DCDC1: variants seen among roughly 807,000 people sequenced by gnomAD.
DCDC1 encodes the protein doublecortin domain containing 1, also known as doublecortin domain-containing protein 1.
In DCDC1, 200 loss-of-function variants were observed where a neutral mutation model predicts 178.3. The observed-to-expected ratio is 1.12, with a 90% CI of 1.00 to 1.26. The LOEUF is 1.26. DCDC1 is among the 50% of genes most tolerant of loss of function. The pLI is 0.00. For synonymous variants in DCDC1, 690 were observed against 604.8 expected, an observed-to-expected ratio of 1.14 and a Z score of -2.07; for missense variants, 1,983 against 1,749.2, an observed-to-expected ratio of 1.13 and a Z score of -2.38.
chr11:31,178,648 T>G (rs1434216917), intron 9 of DCDC1, among the ~76,000 whole-genome samples: 1 of 152,092 alleles, frequency 6.6e-6, no homozygotes, highest in Non-Finnish European at 1.5e-5. Context: ...ATCCAGAATA[T>G]AAAAACAACT....
At chr11:31,194,629 G>A (rs1021384756) in intron 9 of DCDC1, among the ~76,000 whole-genome samples, 8 of 151,420 alleles carry the variant, frequency 5.3e-5, no homozygotes, top group Admixed American at 4.0e-4. Context: ...CATTTTAATG[G>A]CTCCACAATT....
intron 11 of DCDC1, among the ~76,000 whole-genome samples, chr11:31,115,403 G>A (rs920248842): frequency 6.6e-6 from 1 of 152,130 alleles, no homozygotes; most frequent in Non-Finnish European, 1.5e-5. Flanking sequence ...CACCCAGGAA[G>A]CTCTTCTGTG....
chr11:30,928,656 T>C (rs1321059926), intron 22 of DCDC1, among the ~76,000 whole-genome samples: 1 of 208 alleles, frequency 4.8e-3, no homozygotes, highest in African/African-American at 0.015. Context: ...AAGTAATCTC[T>C]TTCTTTAAAA....
At chr11:31,243,471 A>G (rs1591521865) in intron 8 of DCDC1, among the ~76,000 whole-genome samples, 1 of 151,780 alleles carries the variant, frequency 6.6e-6, no homozygotes, top group East Asian at 1.9e-4. Context: ...TTTACACCCT[A>G]GAGTTAATCT....
In DCDC1 at chr11:30,917,018, CGTGT is replaced by C. The variant is rs754562064; in HGVS notation, c.3300_3303del (p.His1101Ter). On this transcript the variant is annotated frameshift_variant, in exon 26 of 39. Transcript: ENST00000684477. LOFTEE classifies it high-confidence loss of function. ...GCCTTCATTCGAAGATGAGCTCTTA[CGTGT>C]GAATCTCTATCAAGGTTCAGAAGCA... 13 of 1,594,234 alleles carry C rather than the reference CGTGT, an allele frequency of 8.2e-6. No individual in the cohort carries two copies. Among genetic ancestry groups the C allele is most frequent in the Admixed American group, 1.8e-5 (1 of 56,442 alleles).
intron 9 of DCDC1, among the ~76,000 whole-genome samples, chr11:31,173,027 T>C (rs1344340726): frequency 6.6e-6 from 1 of 152,162 alleles, no homozygotes; most frequent in Non-Finnish European, 1.5e-5. Context: ...TTAGAAGGAA[T>C]CAATACAACT....
chr11:31,367,888 A>G (rs879123944), intron 1 of DCDC1, among the ~76,000 whole-genome samples: 1 of 152,230 alleles, frequency 6.6e-6, no homozygotes, highest in Non-Finnish European at 1.5e-5. Flanking sequence ...GCAGAGTGTA[A>G]GACAACTGTT....
intron 21 of DCDC1, among the ~76,000 whole-genome samples, chr11:30,934,539 T>G (rs1947147603): frequency 6.6e-6 from 1 of 152,166 alleles, no homozygotes; most frequent in Admixed American, 6.5e-5. Context: ...TACTGCCCCC[T>G]GCCTAGAGAG....
At chr11:30,980,360 C>T (rs1396200296) in intron 20 of DCDC1, among the ~76,000 whole-genome samples, 1 of 152,186 alleles carries the variant, frequency 6.6e-6, no homozygotes, top group African/African-American at 2.4e-5. Context: ...CTAGACCATT[C>T]TCTGAGGCCT....
chr11:31,074,534 C>A (rs1297864468), intron 18 of DCDC1, among the ~76,000 whole-genome samples: 1 of 152,138 alleles, frequency 6.6e-6, no homozygotes, highest in Non-Finnish European at 1.5e-5. Flanking sequence ...CATTTGTCCC[C>A]TCCAGAGGAT....
rs558250674 is a variant in DCDC1, at chr11:30,913,028, G to A, written c.3654-1608C>T. 2.0e-5 allele frequency among the ~76,000 whole-genome samples: 3 copies of A among 152,274 alleles called. No homozygotes were observed. In the South Asian group the frequency reaches 6.2e-4, roughly 32 times the overall value. On this transcript the variant is annotated intron_variant, in intron 27 of 38. Transcript: ENST00000684477. ...ACAAAGCAATATGTCAAGGGAAGATGTGCAATAAACCTCAGAATTACTGTC... is the reference window on the plus strand; with the variant it reads ...ACAAAGCAATATGTCAAGGGAAGATATGCAATAAACCTCAGAATTACTGTC...
chr11:30,994,218 T>C (rs138108709), intron 20 of DCDC1, among the ~76,000 whole-genome samples: 1 of 152,268 alleles, frequency 6.6e-6, no homozygotes, highest in East Asian at 1.9e-4. Context: ...ATGATCTCAA[T>C]AGATGCAGAA....
intron 9 of DCDC1, among the ~76,000 whole-genome samples, chr11:31,189,777 T>C (rs1339559168): frequency 6.6e-6 from 1 of 152,186 alleles, no homozygotes; most frequent in African/African-American, 2.4e-5. Flanking sequence ...ATAAGGACTC[T>C]TGTGATTACA....
At chr11:30,949,244 A>G (rs969689811) in intron 21 of DCDC1, among the ~76,000 whole-genome samples, 3 of 152,356 alleles carry the variant, frequency 2.0e-5, no homozygotes, top group South Asian at 2.1e-4. Context: ...GCCAACAAAC[A>G]TATTAAATAA....
At chr11:31,288,364 G>A (rs754627349) in intron 7 of DCDC1, among the ~76,000 whole-genome samples, 7 of 151,910 alleles carry the variant, frequency 4.6e-5, no homozygotes, top group Non-Finnish European at 8.8e-5. Context: ...GATTTAAATC[G>A]CAAAGAGATG....
Position 30,896,045 on chromosome 11 carries a change from G to A in DCDC1, c.4766-1661C>T, listed in dbSNP as rs117704651. ...CATTTTTTGTCAACTTGCTTCTAAC[G>A]GTCTTAAGAAAATGAATGCACTTGC... is the stretch of plus-strand genomic sequence containing the variant. On this transcript the variant is annotated intron_variant, in intron 34 of 38. Coordinates refer to ENST00000684477, the MANE Select transcript of DCDC1 (RefSeq NM_001387274.1). Among the ~76,000 whole-genome samples, 1,185 of 152,076 alleles carry A rather than the reference G, an allele frequency of 7.8e-3. 5 individuals are homozygous for A. Among genetic ancestry groups the A allele is most frequent in the Non-Finnish European group, 0.012 (796 of 67,970 alleles).
At chr11:31,214,538 G>T (rs1018056212) in intron 9 of DCDC1, among the ~76,000 whole-genome samples, 1 of 152,064 alleles carries the variant, frequency 6.6e-6, no homozygotes, top group South Asian at 2.1e-4. Context: ...GGTGCCTCCT[G>T]ACCACGCCCT....
At chr11:30,942,392 G>A (rs991262330) in intron 21 of DCDC1, among the ~76,000 whole-genome samples, 11 of 152,130 alleles carry the variant, frequency 7.2e-5, no homozygotes, top group Admixed American at 6.6e-4. Flanking sequence ...AGATCATGAA[G>A]CAAGGGTTGG....
At chr11:31,214,117 GT>G (rs11352740) in intron 9 of DCDC1, among the ~76,000 whole-genome samples, 49,835 of 151,708 alleles carry the variant, frequency 0.33, 8,879 homozygotes, top group East Asian at 0.63. Flanking sequence ...ATTGTAAAAA[GT>G]TTTTTTTATC....
Sources: gnomAD v4.1 joint callset for allele counts (sites outside exome capture counted in the v4.1 genomes callset) on GRCh38, gnomAD v4.1.1 for gene constraint, MANE v1.5 for transcripts, NCBI Gene and HGNC (gene_info 2026-07-23, HGNC 2026-07-21) for gene names.